STXBP5L: variants seen among roughly 807,000 people sequenced by gnomAD.
STXBP5L encodes syntaxin-binding protein 5-like.
Under a neutral mutation model 144.5 loss-of-function variants are expected in STXBP5L, and 65 were observed. The observed-to-expected ratio is 0.45, with a 90% CI of 0.37 to 0.55. STXBP5L has a LOEUF of 0.55. Among genes scored for constraint, STXBP5L ranks in the 20% least tolerant of loss-of-function variants. The probability of loss-of-function intolerance (pLI) is 0.00; values close to 1 mark genes in which losing one functional copy is unlikely to be tolerated. For missense variants in STXBP5L, 1,298 were observed against 1,405.5 expected (o/e 0.92, Z 1.22); for synonymous variants, 505 against 469.6 (o/e 1.08, Z -0.97).
intron 5 of STXBP5L, among the ~76,000 whole-genome samples, chr3:121,061,949 A>G (rs973042734): frequency 1.3e-5 from 2 of 152,168 alleles, no homozygotes; most frequent in African/African-American, 2.4e-5. Context: ...TAATTGGGGC[A>G]TTTAGCCTGT....
intron 7 of STXBP5L, among the ~76,000 whole-genome samples, chr3:121,137,643 CAT>C (rs979696002): frequency 6.6e-6 from 1 of 152,084 alleles, no homozygotes; most frequent in Admixed American, 6.6e-5. Flanking sequence ...AATCAACAAA[CAT>C]AATACATCAT....
At chr3:121,330,428 T>C (rs1180119774) in intron 20 of STXBP5L, among the ~76,000 whole-genome samples, 1 of 152,166 alleles carries the variant, frequency 6.6e-6, no homozygotes, top group Admixed American at 6.6e-5. Flanking sequence ...TGTGGAGAGC[T>C]AGAGTGCAGA....
chr3:121,381,269 G>T lies in STXBP5L; in HGVS notation c.2348-24G>T, dbSNP rs566401484. The T allele has an allele frequency of 2.9e-5, 45 of 1,548,472 alleles. No homozygotes were observed. The African/African-American group carries it at 3.3e-4, about 12-fold the overall frequency. On this transcript the variant is annotated intron_variant, in intron 21 of 26. Transcript: ENST00000471454. The stretch of plus-strand genomic sequence containing the variant: ...TGGAAATATACTAACAATTTGTGTG[G>T]TTTTTTTTTATTTATTTCCATAGAA...
chr3:121,008,769 G>C (rs545563845), intron 3 of STXBP5L, among the ~76,000 whole-genome samples: 1 of 151,886 alleles, frequency 6.6e-6, no homozygotes, highest in Non-Finnish European at 1.5e-5. Flanking sequence ...CCTTTGGTTT[G>C]AGGCAATTTT....
chr3:121,378,917 CA>C, intron 21 of STXBP5L, 31 bp downstream of exon 21: 2 of 1,592,254 alleles, frequency 1.3e-6, no homozygotes, highest in Non-Finnish European at 1.7e-6. Flanking sequence ...TTTTTTGTTA[CA>C]GTTAAAATTT....
At chr3:120,980,880 C>T (rs976189829) in intron 3 of STXBP5L, among the ~76,000 whole-genome samples, 3 of 152,060 alleles carry the variant, frequency 2.0e-5, no homozygotes, top group Non-Finnish European at 4.4e-5. Flanking sequence ...TTGAAAATTT[C>T]TTGTATAGCT....
chr3:121,339,455 C>A (rs2044627467), intron 20 of STXBP5L, among the ~76,000 whole-genome samples: 1 of 152,120 alleles, frequency 6.6e-6, no homozygotes, highest in Admixed American at 6.6e-5. Flanking sequence ...CAGCCAACAT[C>A]ATACAGAATA....
At chr3:121,350,186 T>A (rs150866070) in intron 20 of STXBP5L, among the ~76,000 whole-genome samples, 186 of 152,310 alleles carry the variant, frequency 1.2e-3, no homozygotes, top group Non-Finnish European at 1.7e-3. Flanking sequence ...TTTACTTGTC[T>A]GTAAAGGATC....
At position 121,069,596 on chromosome 3, in the gene STXBP5L, A is replaced by G. The variant is rs192889455; in HGVS notation, c.470+24061A>G. 1.7e-3 allele frequency among the ~76,000 whole-genome samples: 259 copies of G among 152,110 alleles called. 3 individuals are homozygous for G. The highest frequency in any genetic ancestry group is 2.5e-4 in the Non-Finnish European group (17 of 67,990). On this transcript the variant is annotated intron_variant, in intron 5 of 26. Coordinates refer to ENST00000471454, the MANE Select transcript of STXBP5L (RefSeq NM_001308330.2). ...TCCTGGAGTGGCTGTGTCACTTTAT[A>G]TTTCTACCAGAAATATGTAGGAGAT...
chr3:121,092,346 A>G (rs2042855773), intron 5 of STXBP5L, among the ~76,000 whole-genome samples: 1 of 152,072 alleles, frequency 6.6e-6, no homozygotes, highest in South Asian at 2.1e-4. Context: ...CATTGAATCT[A>G]TAAATTACCT....
At chr3:121,211,843 C>T (rs975033643) in intron 10 of STXBP5L, among the ~76,000 whole-genome samples, 1 of 151,918 alleles carries the variant, frequency 6.6e-6, no homozygotes, top group East Asian at 1.9e-4. Context: ...GCCTCCCAAA[C>T]TGCTGGGATT....
At chr3:121,349,752 C>G (rs993708843) in intron 20 of STXBP5L, among the ~76,000 whole-genome samples, 10 of 152,022 alleles carry the variant, frequency 6.6e-5, no homozygotes, top group African/African-American at 2.2e-4. Flanking sequence ...GGTTTAAAGT[C>G]TGTTTTATCA....
chr3:121,107,878 T>C (rs1017367456), intron 5 of STXBP5L, among the ~76,000 whole-genome samples: 7 of 152,234 alleles, frequency 4.6e-5, no homozygotes, highest in African/African-American at 9.6e-5. Flanking sequence ...TTATGTCCTC[T>C]CTGATTTCCT....
intron 16 of STXBP5L, among the ~76,000 whole-genome samples, chr3:121,255,780 C>T (rs376602307): frequency 9.2e-5 from 14 of 152,000 alleles, no homozygotes; most frequent in South Asian, 6.2e-4. Flanking sequence ...TTTAAATCAA[C>T]GAAATACTCT....
At chr3:121,205,790 G>A (rs980376888) in intron 9 of STXBP5L, 133 bp from the exon 10 acceptor site, 1 of 440,294 alleles carries the variant, frequency 2.3e-6, no homozygotes, top group Non-Finnish European at 4.0e-6. Context: ...ATAGATATAA[G>A]TTTATCCTAT....
intron 14 of STXBP5L, among the ~76,000 whole-genome samples, chr3:121,243,350 AC>A (rs998203202): frequency 7.2e-5 from 11 of 152,198 alleles, no homozygotes; most frequent in African/African-American, 2.7e-4. Context: ...GTTAGGAATT[AC>A]ATGCACAAGC....
chr3:121,034,259 A>G (rs369649658), intron 3 of STXBP5L, among the ~76,000 whole-genome samples: 5 of 152,038 alleles, frequency 3.3e-5, no homozygotes, highest in African/African-American at 1.2e-4. Context: ...CCTTATACCC[A>G]TTAAGTAATT....
intron 9 of STXBP5L, among the ~76,000 whole-genome samples, chr3:121,201,791 A>G (rs976181347): frequency 2.0e-5 from 3 of 152,150 alleles, no homozygotes; most frequent in African/African-American, 7.2e-5. Flanking sequence ...TTGGCTGGAT[A>G]TGAAATTCTC....
intron 19 of STXBP5L, among the ~76,000 whole-genome samples, chr3:121,282,979 A>T (rs1002940864): frequency 7.2e-5 from 11 of 152,152 alleles, no homozygotes; most frequent in African/African-American, 2.4e-4. Flanking sequence ...AAGCAATTAT[A>T]AAAACTGGTA....
Sources: allele counts gnomAD v4.1 joint callset (sites outside exome capture counted in the v4.1 genomes callset), GRCh38; gene constraint gnomAD v4.1.1; transcripts MANE v1.5; gene names NCBI Gene and HGNC (gene_info 2026-07-23, HGNC 2026-07-21).